Variants in WDR20 observed in about 807,000 individuals in gnomAD.
WDR20 encodes WD repeat domain 20.
Under a neutral mutation model 38.7 loss-of-function variants are expected in WDR20, and 3 were observed. The observed-to-expected ratio is 0.08, with a 90% confidence interval of 0.04 to 0.20. The LOEUF is 0.20. Ranked by LOEUF, WDR20 falls within the 10% of genes least tolerant of loss-of-function variation. WDR20 has a pLI of 1.00. For synonymous variants in WDR20, 298 were observed against 285.6 expected, an observed-to-expected ratio of 1.04 and a Z score of -0.44; for missense variants, 559 against 727.7, an observed-to-expected ratio of 0.77 and a Z score of 2.67.
At chr14:102,173,479 ATTT>A (rs892492197) in intron 1 of WDR20, among the ~76,000 whole-genome samples, 9 of 116,618 alleles carry the variant, frequency 7.7e-5, no homozygotes, top group South Asian at 2.7e-4. Context: ...TATTATTATT[ATTT>A]TTATCAATAG....
At chr14:102,178,819 G>A (rs577314875) in intron 1 of WDR20, 1 of 152,122 alleles carries the variant, frequency 6.6e-6, no homozygotes, top group Admixed American at 6.6e-5. Context: ...TAGCTACACT[G>A]GGCTAGGCAC....
Position 102,207,404 on chromosome 14 carries a change from C to T in WDR20, c.433-1199C>T, listed in dbSNP as rs930301891. Among the ~76,000 whole-genome samples, 2 of 152,260 alleles carry T rather than the reference C, an allele frequency of 1.3e-5. No homozygotes were observed. The highest frequency in any genetic ancestry group is 2.9e-5 in the Non-Finnish European group (2 of 68,048). On this transcript the variant is annotated intron_variant, in intron 2 of 2. Transcript: ENST00000342702. The surrounding 1 kb of genome is among the most constrained non-coding windows in gnomAD (Gnocchi z 5.0). ...TGTAGCACACATGGCGGGCACATGG[C>T]CTCAAAGCCACCCTGGCAGAAGTCG...
At chr14:102,175,432 A>G (rs1467717931) in intron 1 of WDR20, among the ~76,000 whole-genome samples, 1 of 152,166 alleles carries the variant, frequency 6.6e-6, no homozygotes, top group African/African-American at 2.4e-5. Flanking sequence ...TACCAGTACT[A>G]TGCTGTTTTG....
In WDR20 at chr14:102,220,553, T is replaced by C. The variant is rs2063764186; in HGVS notation, c.1693-2277T>C. 6.6e-6 allele frequency among the ~76,000 whole-genome samples: 1 copy of C among 152,014 alleles called. No individual in the cohort carries two copies. The highest frequency in any genetic ancestry group is 2.4e-5 in the African/African-American group (1 of 41,412). Reference sequence around the variant, plus strand: ...CATCCTAACAGTGAAACCCCATCTCTACTAAAACTACAAAAAGTTAGCTGG... The same window carrying C: ...CATCCTAACAGTGAAACCCCATCTCCACTAAAACTACAAAAAGTTAGCTGG... On this transcript the variant is annotated intron_variant, in intron 3 of 3. Transcript: ENST00000335263. This position sits in a 1 kb window ranked among gnomAD's most constrained non-coding sequence, Gnocchi z 4.2.
At chr14:102,179,199 TA>T (rs1287241069) in intron 1 of WDR20, among the ~76,000 whole-genome samples, 1 of 152,068 alleles carries the variant, frequency 6.6e-6, no homozygotes, top group African/African-American at 2.4e-5. Flanking sequence ...TTCAGCTTTT[TA>T]AAAAAAGACT....
At chr14:102,155,568 A>G (rs147732968) in intron 1 of WDR20, among the ~76,000 whole-genome samples, 5 of 152,340 alleles carry the variant, frequency 3.3e-5, no homozygotes, top group African/African-American at 7.2e-5. Flanking sequence ...TGTGCAGACT[A>G]TGTCTGCTCT....
chr14:102,159,966 A>G (rs970201804), intron 1 of WDR20, among the ~76,000 whole-genome samples: 1 of 152,092 alleles, frequency 6.6e-6, no homozygotes, highest in Non-Finnish European at 1.5e-5. Flanking sequence ...CTAGCCAGGC[A>G]TGGTGGTACA....
downstream of WDR20, chr14:102,212,684 G>C: frequency 6.6e-7 from 1 of 1,504,324 alleles, no homozygotes; most frequent in Non-Finnish European, 8.9e-7. Flanking sequence ...GACCTGGGGA[G>C]GGCCTGGGGA....
In WDR20 at chr14:102,208,502, A is replaced by G. The variant is rs949452582; in HGVS notation, c.433-101A>G. The G allele has an allele frequency of 2.1e-6, 3 of 1,448,624 alleles. No homozygotes were observed. The highest frequency in any genetic ancestry group is 2.8e-5 in the African/African-American group (2 of 70,392). The allele number at this position is 1,448,624 out of a possible 1,614,324, so 89.7% of individuals were successfully genotyped here. On this transcript the variant is annotated intron_variant, in intron 2 of 2. Coordinates refer to ENST00000342702, the MANE Select transcript of WDR20 (RefSeq NM_144574.4). The surrounding 1 kb of genome is among the most constrained non-coding windows in gnomAD (Gnocchi z 5.6). ...GATAAAATGTGGAGGGCCTGGATAG[A>G]CTTGCCCCTTCCCATCGAGAAGCAC...
At chr14:102,157,587 A>G (rs942945856) in intron 1 of WDR20, among the ~76,000 whole-genome samples, 2 of 152,128 alleles carry the variant, frequency 1.3e-5, no homozygotes, top group African/African-American at 4.8e-5. Flanking sequence ...TTTGGTTCAG[A>G]TAGTAGGTGA....
chr14:102,210,559 G>A (rs966356087), downstream of WDR20: 51 of 985,280 alleles, frequency 5.2e-5, no homozygotes, highest in Non-Finnish European at 6.1e-5. Flanking sequence ...GAGGTTCTGT[G>A]TACTAAGATA....
chr14:102,220,355 C>G lies in WDR20; in HGVS notation c.1693-2475C>G, dbSNP rs1362084289. Among the ~76,000 whole-genome samples, 1 of 152,222 alleles carries G rather than the reference C, an allele frequency of 6.6e-6. No individual in the cohort carries two copies. Among genetic ancestry groups the G allele is most frequent in the Non-Finnish European group, 1.5e-5 (1 of 68,042 alleles). On this transcript the variant is annotated intron_variant, in intron 3 of 3. Coordinates refer to the WDR20 transcript ENST00000335263. The surrounding 1 kb of genome is among the most constrained non-coding windows in gnomAD (Gnocchi z 4.2). The stretch of plus-strand genomic sequence containing the variant: ...ATAACGTGTCAACCACACAGCACAC[C>G]TCAAAGGCTTCTTACCAAAAAAGTC...
At chr14:102,177,008 G>A (rs547055204) in intron 1 of WDR20, among the ~76,000 whole-genome samples, 9 of 152,242 alleles carry the variant, frequency 5.9e-5, no homozygotes, top group African/African-American at 1.7e-4. Flanking sequence ...GATTACAGGC[G>A]TAAGCCACCG....
intron 1 of WDR20, among the ~76,000 whole-genome samples, chr14:102,163,077 T>G (rs979581062): frequency 6.6e-6 from 1 of 152,180 alleles, no homozygotes; most frequent in African/African-American, 2.4e-5. Flanking sequence ...ATTTTAGGAT[T>G]TAATTGACAT....
At chr14:102,215,388 C>G (rs1438578412), downstream of WDR20, among the ~76,000 whole-genome samples, 1 of 152,174 alleles carries the variant, frequency 6.6e-6, no homozygotes, top group Non-Finnish European at 1.5e-5. Flanking sequence ...TGCTGGACAT[C>G]CGACATTCTG....
At chr14:102,148,773 G>C (rs1307739727) in intron 1 of WDR20, among the ~76,000 whole-genome samples, 1 of 151,574 alleles carries the variant, frequency 6.6e-6, no homozygotes, top group Non-Finnish European at 1.5e-5. Context: ...GCTCACTGCA[G>C]CTTCAACCTC....
At chr14:102,193,636 AG>A in intron 1 of WDR20, 1 of 859,120 alleles carries the variant, frequency 1.2e-6, no homozygotes, top group Non-Finnish European at 1.7e-6. Flanking sequence ...GTTTGCTCAA[AG>A]ACGCCTGTAA....
downstream of WDR20, chr14:102,214,734 A>G (rs533221097): frequency 4.5e-5 from 44 of 980,450 alleles, no homozygotes; most frequent in Admixed American, 6.8e-4. Context: ...ATTTCTTGAC[A>G]ACTTGAATAA....
chr14:102,224,036 G>GTTTTTTTT (rs1184725386), downstream of WDR20, among the ~76,000 whole-genome samples: 1 of 139,440 alleles, frequency 7.2e-6, no homozygotes, highest in Non-Finnish European at 1.6e-5. Flanking sequence ...GTTTACCTGA[G>GTTTTTTTT]ATTTTTTTTT....
Sources: gnomAD v4.1 joint callset for allele counts (sites outside exome capture counted in the v4.1 genomes callset) on GRCh38, gnomAD v4.1.1 for gene constraint, Gnocchi (gnomAD v3.1) non-coding constraint, MANE v1.5 for transcripts, NCBI Gene and HGNC (gene_info 2026-07-23, HGNC 2026-07-21) for gene names.